ZNF273: variants seen among roughly 807,000 people sequenced by gnomAD.
ZNF273 encodes the protein zinc finger protein 273, also known as zinc finger protein 9.
ZNF273 carries 11 observed loss-of-function variants against 14.9 expected under a neutral mutation model. The ratio of observed to expected loss-of-function variants is 0.74; its 90% CI spans 0.46 to 1.22. ZNF273 has a LOEUF of 1.22. Among genes scored for constraint, ZNF273 ranks in the 50% most tolerant of loss-of-function variants. ZNF273 has a pLI of 0.00. For missense variants in ZNF273, 577 were observed against 660.6 expected (o/e 0.87, Z 1.39); for synonymous variants, 199 against 223.9 (o/e 0.89, Z 0.99).
intron 3 of ZNF273, among the ~76,000 whole-genome samples, chr7:64,894,896 G>A (rs992961523): frequency 4.6e-5 from 7 of 151,942 alleles, no homozygotes; most frequent in African/African-American, 1.7e-4. Flanking sequence ...TTGGGAGGCC[G>A]AGGCAGATGG....
chr7:64,890,543 G>T (rs537337997), downstream of ZNF273, among the ~76,000 whole-genome samples: 45 of 152,274 alleles, frequency 3.0e-4, no homozygotes, highest in Middle Eastern at 6.8e-3. Flanking sequence ...AGAGCAGCCT[G>T]CCCAGTGGGG....
At chr7:64,907,306 A>T (rs1793184551) in intron 1 of ZNF273, among the ~76,000 whole-genome samples, 1 of 152,208 alleles carries the variant, frequency 6.6e-6, no homozygotes, top group Non-Finnish European at 1.5e-5. Flanking sequence ...CAAAGGATGG[A>T]TAATTTTATT....
At chr7:64,893,707 C>A (rs1308999224), downstream of ZNF273, 1 of 135,416 alleles carries the variant, frequency 7.4e-6, no homozygotes. Flanking sequence ...CTCCCCCTCC[C>A]CTCCCTTCCC....
At chr7:64,901,033 T>C (rs1172152275), upstream of ZNF273, among the ~76,000 whole-genome samples, 3 of 151,634 alleles carry the variant, frequency 2.0e-5, no homozygotes, top group Non-Finnish European at 1.5e-5. Flanking sequence ...GAGAGAGTCT[T>C]GCTCTATCTC....
chr7:64,916,303 G>A (rs1234552525), intron 1 of ZNF273, among the ~76,000 whole-genome samples: 1 of 150,450 alleles, frequency 6.6e-6, no homozygotes, highest in Non-Finnish European at 1.5e-5. Context: ...ACTTTTGGAG[G>A]TTGAGGCGGA....
chr7:64,935,152 T>C (rs1162940108), downstream of ZNF273, among the ~76,000 whole-genome samples: 1 of 151,748 alleles, frequency 6.6e-6, no homozygotes, highest in Non-Finnish European at 1.5e-5. Flanking sequence ...GTTTAATAAA[T>C]TTGTTTATTA....
chr7:64,915,731 G>A (rs555334956), intron 1 of ZNF273, among the ~76,000 whole-genome samples: 1 of 152,292 alleles, frequency 6.6e-6, no homozygotes, highest in East Asian at 1.9e-4. Flanking sequence ...CCAGTTTATG[G>A]CCAGATTTTG....
chr7:64,912,212 G>A (rs1793565432), intron 1 of ZNF273, among the ~76,000 whole-genome samples: 1 of 152,184 alleles, frequency 6.6e-6, no homozygotes, highest in South Asian at 2.1e-4. Flanking sequence ...GCCCGCCTCG[G>A]CCTCCCAAAG....
intron 1 of ZNF273, among the ~76,000 whole-genome samples, chr7:64,907,225 A>T (rs2129060571): frequency 6.6e-6 from 1 of 152,288 alleles, no homozygotes; most frequent in East Asian, 1.9e-4. Flanking sequence ...GTTATGTGAT[A>T]GGTAAGAAAA....
rs968765251 is a variant in ZNF273 at position 64,886,285 on chromosome 7, G to T, written n.274-2288G>T. 2.0e-5 allele frequency among the ~76,000 whole-genome samples: 3 copies of T among 152,170 alleles called. No homozygotes were observed. The South Asian group carries it at 6.2e-4, about 31-fold the overall frequency. On this transcript the variant is annotated intron_variant and non_coding_transcript_variant, in intron 1 of 1. Transcript: ENST00000471926. ...TTGCTTGCTGTGTGACCCCGGGAAG[G>T]TTACTTCACCTTACTGAGCTGGTTT...
chr7:64,918,672 A>G (rs1794196387), intron 3 of ZNF273, among the ~76,000 whole-genome samples: 3 of 150,330 alleles, frequency 2.0e-5, no homozygotes, highest in African/African-American at 7.3e-5. Flanking sequence ...AAAAAAAAAA[A>G]AAAAAAAAAA....
At chr7:64,920,614 G>T (rs549294593) in intron 3 of ZNF273, among the ~76,000 whole-genome samples, 1 of 137,696 alleles carries the variant, frequency 7.3e-6, no homozygotes, top group East Asian at 2.2e-4. Context: ...GACCAAGTTG[G>T]GTGGGCCATT....
In ZNF273 at chr7:64,917,641, G is replaced by A; in HGVS notation, c.163G>A (p.Asp55Asn). 1 of 1,600,682 alleles carries A rather than the reference G, an allele frequency of 6.2e-7. No individual in the cohort carries two copies. The change falls in exon 2 of 4, where the codon GAC becomes AAC. Residue 55 changes from aspartate (D) to asparagine (N), a missense_variant. By Grantham distance (23) the Asp-to-Asn change is conservative. Coordinates refer to ENST00000476120, the MANE Select transcript of ZNF273 (RefSeq NM_021148.3). ...EFSLEEWQCL[D>N]TSQQNLYRNV... is the part of the protein sequence containing the mutation. Reference sequence around the variant, plus strand: ...CTCTCTGGAGGAGTGGCAATGCCTGGACACTTCACAGCAGAATTTGTATAG... The same window carrying A: ...CTCTCTGGAGGAGTGGCAATGCCTGAACACTTCACAGCAGAATTTGTATAG...
At chr7:64,912,832 T>TGTTGTTGTTTTTTTG (rs1554386326) in intron 1 of ZNF273, among the ~76,000 whole-genome samples, 1 of 61,198 alleles carries the variant, frequency 1.6e-5, no homozygotes, top group Non-Finnish European at 3.3e-5. Flanking sequence ...TTTAGTTTTT[T>TGTTGTTGTTTTTTTG]TTTTTTTTTT....
intron 1 of ZNF273, among the ~76,000 whole-genome samples, chr7:64,910,762 A>ATTT (rs34345525): frequency 2.0e-5 from 2 of 100,562 alleles, no homozygotes; most frequent in African/African-American, 4.3e-5. Flanking sequence ...TAAATCTGTA[A>ATTT]TTTATTTTTT....
At chr7:64,925,558 C>G (rs2129101197) in intron 3 of ZNF273, among the ~76,000 whole-genome samples, 1 of 152,246 alleles carries the variant, frequency 6.6e-6, no homozygotes, top group African/African-American at 2.4e-5. Flanking sequence ...CTGCCTCAGC[C>G]TCCTGAGTAG....
upstream of ZNF273, chr7:64,903,242 AG>A (rs1792845437): frequency 9.7e-6 from 12 of 1,240,588 alleles, no homozygotes; most frequent in Admixed American, 2.1e-4. Context: ...TGGAGCGGAC[AG>A]GACGGCTTCC....
At chr7:64,878,819 T>G (rs544363488) in intron 2 of ZNF273, among the ~76,000 whole-genome samples, 3 of 152,360 alleles carry the variant, frequency 2.0e-5, no homozygotes, top group Admixed American at 2.0e-4. Flanking sequence ...ATGCTTCTCC[T>G]GGGCCTAGGG....
intron 3 of ZNF273, among the ~76,000 whole-genome samples, chr7:64,920,727 C>T (rs1179114335): frequency 6.6e-6 from 1 of 151,918 alleles, no homozygotes; most frequent in Non-Finnish European, 1.5e-5. Flanking sequence ...AGCAGAGTTT[C>T]ATAACTCCCT....
Sources: allele counts gnomAD v4.1 joint callset (sites outside exome capture counted in the v4.1 genomes callset), GRCh38; gene constraint gnomAD v4.1.1; transcripts MANE v1.5; gene names NCBI Gene and HGNC (gene_info 2026-07-23, HGNC 2026-07-21).